The following DPYSL2 variants were observed in gnomAD, a reference collection of about 807,000 sequenced individuals.
DPYSL2 encodes dihydropyrimidinase like 2, also known as dihydropyrimidinase-related protein 2.
DPYSL2 carries 13 observed loss-of-function variants against 69.9 expected under a neutral mutation model. The observed-to-expected ratio is 0.19, with a 90% confidence interval of 0.12 to 0.30. DPYSL2 has a LOEUF of 0.30. DPYSL2 is among the 10% of genes least tolerant of loss of function. DPYSL2 has a pLI of 1.00. For synonymous variants in DPYSL2, 326 were observed against 359.1 expected, an observed-to-expected ratio of 0.91 and a Z score of 1.04; for missense variants, 587 against 918.9, an observed-to-expected ratio of 0.64 and a Z score of 4.67.
At chr8:26,577,136 T>C in intron 1 of DPYSL2, 1 of 445,396 alleles carries the variant, frequency 2.2e-6, no homozygotes. Flanking sequence ...GGCTCGGAGT[T>C]GGAAGGGTTT....
chr8:26,614,915 T>A lies in DPYSL2; in HGVS notation c.629-9228T>A. Among the ~76,000 whole-genome samples the A allele has an allele frequency of 6.6e-6, 1 of 152,176 alleles. No homozygotes were observed. Among genetic ancestry groups the A allele is most frequent in the East Asian group, 1.9e-4 (1 of 5,190 alleles). ...AATATATGAAGGGATAAGACTGAAT[T>A]TCACTTCTCAATTAACTAGCCCTCT... On this transcript the variant is annotated intron_variant, in intron 3 of 13. Transcript: ENST00000521913. This position sits in a 1 kb window ranked among gnomAD's most constrained non-coding sequence, Gnocchi z 4.9.
rs555869464 is a variant in DPYSL2 at position 26,604,780 on chromosome 8, G to A, written c.629-19363G>A. On this transcript the variant is annotated intron_variant, in intron 3 of 13. Coordinates refer to ENST00000521913, the MANE Select transcript of DPYSL2 (RefSeq NM_001197293.3). ...GGGTTCAAGTGATTCTCCTGCCTCA[G>A]CCTCCCAAGTAGCTGGGATTGCAGG... Among the ~76,000 whole-genome samples, 28 of 152,034 alleles carry A rather than the reference G, an allele frequency of 1.8e-4. No individual in the cohort carries two copies. In the South Asian group the frequency reaches 5.8e-3, roughly 32 times the overall value.
chr8:26,554,457 T>A (rs1163154993), intron 1 of DPYSL2, among the ~76,000 whole-genome samples: 1 of 152,148 alleles, frequency 6.6e-6, no homozygotes, highest in Non-Finnish European at 1.5e-5. Flanking sequence ...TTTTTCCCAT[T>A]CTGTAAGTTG....
chr8:26,598,207 T>C lies in DPYSL2; in HGVS notation c.628+14224T>C, dbSNP rs562242700. ...GCTTTTTATATTGACCCGTGGCTAC[T>C]GTGGTATTCGAAGGGCTAAATTTGT... On this transcript the variant is annotated intron_variant, in intron 3 of 13. Coordinates refer to ENST00000521913, the MANE Select transcript of DPYSL2 (RefSeq NM_001197293.3). The surrounding 1 kb of genome is among the most constrained non-coding windows in gnomAD (Gnocchi z 4.2). Among the ~76,000 whole-genome samples, 40 of 152,346 alleles carry C rather than the reference T, an allele frequency of 2.6e-4. No individual in the cohort carries two copies. The highest frequency in any genetic ancestry group is 5.1e-4 in the Non-Finnish European group (35 of 68,040).
At chr8:26,535,357 T>A (rs1226486039) in intron 1 of DPYSL2, among the ~76,000 whole-genome samples, 2 of 152,124 alleles carry the variant, frequency 1.3e-5, no homozygotes, top group South Asian at 2.1e-4. Flanking sequence ...TAGGGGAACA[T>A]GAAAATCCAG....
chr8:26,653,521 G>T lies in DPYSL2; in HGVS notation c.1942+124G>T, dbSNP rs1413515598. ...GAATGATATTCCCTTTCTCTCCAAC[G>T]TGAGAAATACAGTGGACTCAGATCT... On this transcript the variant is annotated intron_variant, in intron 13 of 13. Coordinates refer to ENST00000521913, the MANE Select transcript of DPYSL2 (RefSeq NM_001197293.3). The surrounding 1 kb of genome is among the most constrained non-coding windows in gnomAD (Gnocchi z 5.7). The T allele has an allele frequency of 8.3e-6, 9 of 1,081,032 alleles. No individual in the cohort carries two copies. The Admixed American group carries it at 2.1e-4, about 26-fold the overall frequency. 67.0% of individuals were successfully genotyped at this position (1,081,032 alleles called of 1,614,324 possible). A position where few individuals can be genotyped will look rare whatever the true frequency, so the allele number is the denominator to read the frequency against.
intron 3 of DPYSL2, among the ~76,000 whole-genome samples, chr8:26,599,549 T>TC (rs1801945621): frequency 1.2e-5 from 1 of 85,330 alleles, no homozygotes; most frequent in Non-Finnish European, 2.4e-5. Context: ...TCCCCTCCCC[T>TC]CCCTCCACTC....
intron 1 of DPYSL2, among the ~76,000 whole-genome samples, chr8:26,549,729 T>C (rs1800841934): frequency 6.6e-6 from 1 of 152,182 alleles, no homozygotes; most frequent in South Asian, 2.1e-4. Context: ...GGATTTCTCT[T>C]GAGACCCATA....
At chr8:26,635,022 C>G (rs1347395494) in intron 8 of DPYSL2, 122 bp downstream of exon 8, 1 of 1,414,752 alleles carries the variant, frequency 7.1e-7, no homozygotes, top group African/African-American at 1.4e-5. Context: ...GCACCATGTT[C>G]TGGCATTAAC....
intron 8 of DPYSL2, among the ~76,000 whole-genome samples, chr8:26,639,086 G>T (rs1002026037): frequency 8.5e-5 from 13 of 152,166 alleles, no homozygotes; most frequent in African/African-American, 3.1e-4. Flanking sequence ...TTTGAGATAA[G>T]ACCTCTTATG....
In DPYSL2 at chr8:26,518,986, G is replaced by A. The variant is rs116449114; in HGVS notation, c.354+4307G>A. On this transcript the variant is annotated intron_variant, in intron 1 of 13. Coordinates refer to ENST00000521913, the MANE Select transcript of DPYSL2 (RefSeq NM_001197293.3). Reference sequence around the variant, plus strand: ...GAAGAAAACTCCTACCAGCTAACCAGCATCTACCATCTTTCTCCTTGGAGC... The same window carrying A: ...GAAGAAAACTCCTACCAGCTAACCAACATCTACCATCTTTCTCCTTGGAGC... 7.1e-3 allele frequency among the ~76,000 whole-genome samples: 1,080 copies of A among 152,298 alleles called. 6 individuals are homozygous for A. The highest frequency in any genetic ancestry group is 0.025 in the African/African-American group (1,025 of 41,542).
At chr8:26,575,359 T>A (rs1026211964) in intron 1 of DPYSL2, among the ~76,000 whole-genome samples, 1 of 152,176 alleles carries the variant, frequency 6.6e-6, no homozygotes, top group African/African-American at 2.4e-5. Context: ...TTTTGTTTTT[T>A]TTTTCACCTT....
intron 1 of DPYSL2, chr8:26,576,925 C>T: frequency 3.5e-6 from 1 of 283,696 alleles, no homozygotes; most frequent in South Asian, 2.5e-5. Context: ...GCTGCGCCCC[C>T]ACGCACCCCT....
chr8:26,594,765 G>C (rs1435015651), intron 3 of DPYSL2, among the ~76,000 whole-genome samples: 1 of 152,114 alleles, frequency 6.6e-6, no homozygotes, highest in African/African-American at 2.4e-5. Flanking sequence ...ATTCCAGATG[G>C]GTTATCTCAC....
intron 1 of DPYSL2, chr8:26,547,690 T>G (rs1471544415): frequency 1.1e-5 from 2 of 178,088 alleles, no homozygotes; most frequent in African/African-American, 4.7e-5. Context: ...AGACCAGAGA[T>G]GTAGCACCTG....
intron 1 of DPYSL2, among the ~76,000 whole-genome samples, chr8:26,532,000 C>T (rs557848962): frequency 1.5e-4 from 23 of 151,888 alleles, no homozygotes; most frequent in African/African-American, 4.3e-4. Context: ...AGGGAGGGCA[C>T]TTGTGCCTTT....
chr8:26,643,397 CT>C lies in DPYSL2; in HGVS notation c.1127-41del. 1 of 1,536,810 alleles carries C rather than the reference CT, an allele frequency of 6.5e-7. No individual in the cohort carries two copies. The highest frequency in any genetic ancestry group is 8.7e-7 in the Non-Finnish European group (1 of 1,143,906). ...CCTCATAGGGGTGGTTCCCTTCCCC[CT>C]GCATTGTGTTGGACTGAACCTTGTG... On this transcript the variant is annotated intron_variant, in intron 8 of 13. Transcript: ENST00000521913. The surrounding 1 kb of genome is among the most constrained non-coding windows in gnomAD (Gnocchi z 6.5).
intron 1 of DPYSL2, among the ~76,000 whole-genome samples, chr8:26,556,241 A>G (rs371968469): frequency 1.3e-3 from 6 of 4,714 alleles, no homozygotes; most frequent in Non-Finnish European, 1.8e-3. Flanking sequence ...TATTTATATA[A>G]TATATATAGT....
rs866684204 is a variant in DPYSL2 at position 26,653,734 on chromosome 8, T to C, written c.1942+337T>C. Among the ~76,000 whole-genome samples the C allele has an allele frequency of 6.6e-6, 1 of 152,068 alleles. No homozygotes were observed. The highest frequency in any genetic ancestry group is 2.1e-4 in the South Asian group (1 of 4,824). On this transcript the variant is annotated intron_variant, in intron 13 of 13. Coordinates refer to ENST00000521913, the MANE Select transcript of DPYSL2 (RefSeq NM_001197293.3). The surrounding 1 kb of genome is among the most constrained non-coding windows in gnomAD (Gnocchi z 5.7). The stretch of plus-strand genomic sequence containing the variant: ...CACCATACCTGGCTAATTTTTGTAT[T>C]TTTAGTAGAGACGGAGTATCACCAT...
Sources: allele counts gnomAD v4.1 joint callset (sites outside exome capture counted in the v4.1 genomes callset), GRCh38; gene constraint gnomAD v4.1.1; non-coding constraint Gnocchi (gnomAD v3.1); transcripts MANE v1.5; gene names NCBI Gene and HGNC (gene_info 2026-07-23, HGNC 2026-07-21).